The following PTPRR variants were observed in gnomAD, a reference collection of about 807,000 sequenced individuals.
PTPRR encodes the protein receptor-type tyrosine-protein phosphatase R.
A neutral mutation model predicts 77.2 loss-of-function variants in PTPRR; 38 were observed. The ratio of observed to expected loss-of-function variants is 0.49; its 90% confidence interval spans 0.38 to 0.65. The LOEUF (loss-of-function observed/expected upper bound fraction) is 0.65, where lower values mean the gene tolerates loss of function less well. PTPRR is among the 30% of genes least tolerant of loss of function. PTPRR has a pLI of 0.00. For missense variants in PTPRR, 744 were observed against 799.2 expected (o/e 0.93, Z 0.83); for synonymous variants, 299 against 283.1 (o/e 1.06, Z -0.57).
At chr12:70,670,253 C>G (rs781438673) in intron 10 of PTPRR, among the ~76,000 whole-genome samples, 1 of 152,194 alleles carries the variant, frequency 6.6e-6, no homozygotes, top group Admixed American at 6.5e-5. Flanking sequence ...AAGATAGGTT[C>G]AGGGTCTTAT....
rs183382083 is a variant in PTPRR at position 70,653,233 on chromosome 12, C to T, written c.1880+3471G>A. On this transcript the variant is annotated intron_variant, in intron 13 of 13. Coordinates refer to ENST00000283228, the MANE Select transcript of PTPRR (RefSeq NM_002849.4). ...CTCTGGCTGACTGAGTGCTGCTTCT[C>T]CCCCTCAGAGTTAGGGCCCCTTTCC... is the stretch of plus-strand genomic sequence containing the variant. 3.5e-3 allele frequency among the ~76,000 whole-genome samples: 536 copies of T among 152,240 alleles called. 3 individuals carry two copies. Among genetic ancestry groups the T allele is most frequent in the African/African-American group, 0.012 (489 of 41,546 alleles).
At chr12:70,820,896 C>T (rs1256691771) in intron 2 of PTPRR, among the ~76,000 whole-genome samples, 1 of 152,196 alleles carries the variant, frequency 6.6e-6, no homozygotes, top group Non-Finnish European at 1.5e-5. Context: ...CTTCACTCTC[C>T]TTGCTGGGTA....
At chr12:70,672,296 C>T (rs1887259487) in intron 10 of PTPRR, 1 of 1,587,834 alleles carries the variant, frequency 6.3e-7, no homozygotes, top group African/African-American at 1.3e-5. Context: ...TGTGCCCGTG[C>T]CCACGGAACC....
At chr12:70,800,077 C>G (rs1891586439) in intron 2 of PTPRR, among the ~76,000 whole-genome samples, 1 of 152,136 alleles carries the variant, frequency 6.6e-6, no homozygotes, top group Non-Finnish European at 1.5e-5. Flanking sequence ...TGTTGGAAGG[C>G]ACTTGAGACT....
intron 2 of PTPRR, among the ~76,000 whole-genome samples, chr12:70,795,598 A>G (rs1891497250): frequency 6.6e-6 from 1 of 152,198 alleles, no homozygotes; most frequent in Non-Finnish European, 1.5e-5. Context: ...TAGAGTTTGT[A>G]TAAATATCAT....
At chr12:70,772,589 G>A (rs1459055789) in intron 2 of PTPRR, among the ~76,000 whole-genome samples, 1 of 152,086 alleles carries the variant, frequency 6.6e-6, no homozygotes, top group Non-Finnish European at 1.5e-5. Context: ...AAGATGATGG[G>A]CCCAGCTAAA....
At chr12:70,692,646 T>C (rs12580224) in intron 8 of PTPRR, among the ~76,000 whole-genome samples, 29,339 of 152,020 alleles carry the variant, frequency 0.19, 3,934 homozygotes, top group African/African-American at 0.37. Flanking sequence ...GTTCTATGTT[T>C]TTGCAGATTT....
At chr12:70,773,150 A>G (rs1168341427) in intron 2 of PTPRR, among the ~76,000 whole-genome samples, 5 of 152,094 alleles carry the variant, frequency 3.3e-5, no homozygotes, top group African/African-American at 9.7e-5. Flanking sequence ...TTCCCTTTTT[A>G]TAAGGGCCTC....
Position 70,920,347 on chromosome 12 carries a change from T to C in PTPRR, c.44A>G (p.Asn15Ser), listed in dbSNP as rs756985015. ...CAACCCCTTACCTGCAGCGTGAAGA[T>C]TAAGGAGCAGGCACAGCGCAGGGAA... ...VCFPALCLLLNLHAAGCFSGN... is the reference protein window; with the variant it reads ...VCFPALCLLLSLHAAGCFSGN... Residue 15 changes from asparagine (N) to serine (S), a missense_variant, in exon 1 of 14, where the codon AAT becomes AGT. Physicochemically the swap from Asn to Ser is conservative, Grantham distance 46. Transcript: ENST00000283228. 43 of 1,613,524 alleles carry C rather than the reference T, an allele frequency of 2.7e-5. No individual in the cohort carries two copies. The highest frequency in any genetic ancestry group is 3.6e-5 in the Non-Finnish European group (43 of 1,179,800).
intron 2 of PTPRR, among the ~76,000 whole-genome samples, chr12:70,862,801 A>G (rs1477825476): frequency 2.0e-5 from 3 of 152,146 alleles, no homozygotes; most frequent in African/African-American, 7.2e-5. Flanking sequence ...TAAAAATTAA[A>G]GAAATTAAAT....
rs535461167 is a variant in PTPRR, at chr12:70,877,628, G to T, written c.357+15051C>A. ...ACAAACAAATGGAAGAACATTCCAT[G>T]CTCACGGGTAGGAAGAATCAATATG... On this transcript the variant is annotated intron_variant, in intron 2 of 13. Coordinates refer to ENST00000283228, the MANE Select transcript of PTPRR (RefSeq NM_002849.4). Among the ~76,000 whole-genome samples the T allele has an allele frequency of 2.0e-4, 31 of 152,272 alleles. 2 individuals carry two copies. In the East Asian group the frequency reaches 6.0e-3, roughly 29 times the overall value.
At position 70,889,666 on chromosome 12, in the gene PTPRR, T is replaced by C. The variant is rs1481038116; in HGVS notation, c.357+3013A>G. 2.6e-5 allele frequency among the ~76,000 whole-genome samples: 4 copies of C among 152,094 alleles called. No homozygotes were observed. The East Asian group carries it at 5.8e-4, about 22-fold the overall frequency. On this transcript the variant is annotated intron_variant, in intron 2 of 13. Coordinates refer to ENST00000283228, the MANE Select transcript of PTPRR (RefSeq NM_002849.4). Reference sequence around the variant, plus strand: ...CCCCTGGAAACTCATCATCTTCCTATGTGCTCACAGAATGCTTCCTGCTTC... The same window carrying C: ...CCCCTGGAAACTCATCATCTTCCTACGTGCTCACAGAATGCTTCCTGCTTC...
chr12:70,777,290 TG>T (rs1891111165), intron 2 of PTPRR, among the ~76,000 whole-genome samples: 1 of 152,102 alleles, frequency 6.6e-6, no homozygotes, highest in African/African-American at 2.4e-5. Flanking sequence ...TGCTATTTTA[TG>T]TTTTTTTGTT....
In PTPRR at chr12:70,761,591, G is replaced by A; in HGVS notation, c.507C>T (p.Pro169=). The change falls in exon 4 of 14, where the codon CCC becomes CCT. Residue 169 remains proline (P), a synonymous_variant. Coordinates refer to ENST00000283228, the MANE Select transcript of PTPRR (RefSeq NM_002849.4). The stretch of plus-strand genomic sequence containing the variant: ...CAGAAATTCCTGTTTTTCGGTTTAT[G>A]GGAGACACAAACAGTTCAATACTGT... ...KKNSIELFVS[P]INRKTGISDA... is the part of the protein sequence containing the mutation. 6.2e-7 allele frequency: 1 copy of A among 1,611,236 alleles called. No homozygotes were observed. The highest frequency in any genetic ancestry group is 1.7e-4 in the Middle Eastern group (1 of 6,044).
chr12:70,906,203 C>T (rs1893618936), intron 1 of PTPRR, among the ~76,000 whole-genome samples: 1 of 151,960 alleles, frequency 6.6e-6, no homozygotes, highest in Non-Finnish European at 1.5e-5. Context: ...TGTGTTAGCT[C>T]ACCCCAATGA....
chr12:70,872,175 G>A (rs1892968953), intron 2 of PTPRR, among the ~76,000 whole-genome samples: 1 of 151,848 alleles, frequency 6.6e-6, no homozygotes, highest in African/African-American at 2.4e-5. Context: ...AATGTAAACA[G>A]AAATTACATT....
chr12:70,648,840 G>T (rs535529061), intron 13 of PTPRR, among the ~76,000 whole-genome samples: 1 of 151,574 alleles, frequency 6.6e-6, no homozygotes, highest in Non-Finnish European at 1.5e-5. Flanking sequence ...TAAAACATTC[G>T]TGGGTGCCTT....
intron 2 of PTPRR, among the ~76,000 whole-genome samples, chr12:70,788,444 G>A (rs998948098): frequency 1.3e-5 from 2 of 152,156 alleles, no homozygotes; most frequent in East Asian, 1.9e-4. Flanking sequence ...CCTGATGTCA[G>A]TGTGGGAACC....
At chr12:70,704,859 A>T (rs1888560540) in intron 6 of PTPRR, among the ~76,000 whole-genome samples, 1 of 152,112 alleles carries the variant, frequency 6.6e-6, no homozygotes, top group South Asian at 2.1e-4. Context: ...ACTCTACTGA[A>T]AGCTTTACTT....
Sources: gnomAD v4.1 joint callset for allele counts (sites outside exome capture counted in the v4.1 genomes callset) on GRCh38, gnomAD v4.1.1 for gene constraint, MANE v1.5 for transcripts, NCBI Gene and HGNC (gene_info 2026-07-23, HGNC 2026-07-21) for gene names.